Variants in BLTP3B observed in about 807,000 individuals in gnomAD.
The protein encoded by BLTP3B is bridge-like lipid transfer protein family member 3B.
chr12:100,139,978 A>G, the BLTP3B span, among the ~76,000 whole-genome samples: 1 of 152,224 alleles, frequency 6.6e-6, no homozygotes, highest in Non-Finnish European at 1.5e-5. Flanking sequence ...CATGATGTCT[A>G]GTATTAGAAA....
the BLTP3B span, chr12:100,084,706 T>C: frequency 6.5e-7 from 1 of 1,546,832 alleles, no homozygotes; most frequent in Non-Finnish European, 8.8e-7. Context: ...ACAACTTTCA[T>C]TTATTATATT....
chr12:100,043,400 T>A, the BLTP3B span, among the ~76,000 whole-genome samples: 4 of 152,166 alleles, frequency 2.6e-5, no homozygotes, highest in Non-Finnish European at 5.9e-5. Flanking sequence ...AATGTAAGAG[T>A]TTATCTCTGA....
the BLTP3B span, among the ~76,000 whole-genome samples, chr12:100,121,514 G>A: frequency 3.9e-5 from 6 of 152,034 alleles, no homozygotes; most frequent in African/African-American, 1.2e-4. Flanking sequence ...TTATGGTAAT[G>A]GTATTATGAT....
chr12:100,050,294 T>C, the BLTP3B span: 4 of 1,606,608 alleles, frequency 2.5e-6, no homozygotes, highest in Admixed American at 1.7e-5. Context: ...TTAACACCAG[T>C]AATTTTAAAT....
chr12:100,072,604 C>G, the BLTP3B span: 1 of 1,311,138 alleles, frequency 7.6e-7, no homozygotes, highest in South Asian at 1.8e-5. Context: ...TTATAAAACT[C>G]AAAAATATTA....
At chr12:100,123,669 G>A in the BLTP3B span, among the ~76,000 whole-genome samples, 2 of 152,068 alleles carry the variant, frequency 1.3e-5, no homozygotes, top group Admixed American at 1.3e-4. Context: ...TTTGATTAAC[G>A]TCAAGGCATA....
At chr12:100,082,011 T>A in the BLTP3B span, among the ~76,000 whole-genome samples, 1 of 152,244 alleles carries the variant, frequency 6.6e-6, no homozygotes, top group Non-Finnish European at 1.5e-5. Context: ...GTGGTTGAAC[T>A]ATTTTACATT....
the BLTP3B span, among the ~76,000 whole-genome samples, chr12:100,080,438 C>T: frequency 1.1e-4 from 16 of 151,990 alleles, no homozygotes; most frequent in Admixed American, 2.6e-4. Context: ...CTGTAAGCTC[C>T]GCCTCCTGGA....
the BLTP3B span, among the ~76,000 whole-genome samples, chr12:100,111,894 C>T: frequency 7.2e-5 from 11 of 152,190 alleles, no homozygotes; most frequent in Non-Finnish European, 1.2e-4. Context: ...AGGCATGAGC[C>T]ACCGTGCCCA....
At chr12:100,133,908 A>C in the BLTP3B span, among the ~76,000 whole-genome samples, 1 of 152,208 alleles carries the variant, frequency 6.6e-6, no homozygotes. Context: ...CTTTTATTAC[A>C]ATATACAGAT....
chr12:100,040,298 A>G, the BLTP3B span, among the ~76,000 whole-genome samples: 2 of 152,212 alleles, frequency 1.3e-5, no homozygotes, highest in African/African-American at 4.8e-5. Context: ...TGGGAGGCCT[A>G]GCTGGGAGAA....
the BLTP3B span, among the ~76,000 whole-genome samples, chr12:100,048,430 A>T: frequency 1.3e-5 from 2 of 152,084 alleles, no homozygotes; most frequent in Admixed American, 6.6e-5. Flanking sequence ...AACAAGAAAA[A>T]CACATTATGA....
chr12:100,129,518 C>G, the BLTP3B span, among the ~76,000 whole-genome samples: 1 of 152,190 alleles, frequency 6.6e-6, no homozygotes. Flanking sequence ...TCCCTGGCTT[C>G]TAAAACATTG....
At chr12:100,128,608 C>T in the BLTP3B span, 2 of 1,281,048 alleles carry the variant, frequency 1.6e-6, no homozygotes, top group Non-Finnish European at 2.0e-6. Flanking sequence ...GAAAAAGGTC[C>T]CTATTCCTGG....
the BLTP3B span, among the ~76,000 whole-genome samples, chr12:100,119,043 A>G: frequency 6.6e-6 from 1 of 152,166 alleles, no homozygotes. Context: ...CGGAGGTTGC[A>G]GTGAGCCGAG....
At chr12:100,078,497 T>C in the BLTP3B span, among the ~76,000 whole-genome samples, 4 of 152,194 alleles carry the variant, frequency 2.6e-5, no homozygotes. Context: ...TAGTTTATGA[T>C]AGCAAAACGA....
chr12:100,108,061 T>C, the BLTP3B span, among the ~76,000 whole-genome samples: 5 of 152,254 alleles, frequency 3.3e-5, no homozygotes, highest in East Asian at 7.7e-4. Flanking sequence ...AAGTTTAGAT[T>C]GTCCCATTTG....
chr12:100,064,964 T>A, the BLTP3B span, among the ~76,000 whole-genome samples: 1 of 150,254 alleles, frequency 6.7e-6, no homozygotes. Flanking sequence ...CACGTCTCAA[T>A]ACTAACATTG....
the BLTP3B span, chr12:100,039,484 A>G: frequency 1.7e-6 from 2 of 1,153,846 alleles, no homozygotes; most frequent in Non-Finnish European, 2.4e-6. Flanking sequence ...GGGCACAATA[A>G]CAAGCACTCG....
Sources: gnomAD v4.1 joint callset for allele counts (sites outside exome capture counted in the v4.1 genomes callset) on GRCh38, gnomAD v4.1.1 for gene constraint, MANE v1.5 for transcripts, NCBI Gene and HGNC (gene_info 2026-07-23, HGNC 2026-07-21) for gene names.